KCND2: variants seen among roughly 807,000 people sequenced by gnomAD.
The protein encoded by KCND2 is A-type voltage-gated potassium channel KCND2.
Under a neutral mutation model 54.4 loss-of-function variants are expected in KCND2, and 16 were observed. That is an observed-to-expected ratio of 0.29 (90% confidence interval 0.20 to 0.45). The LOEUF (loss-of-function observed/expected upper bound fraction) is 0.45, where lower values mean the gene tolerates loss of function less well. Ranked by LOEUF, KCND2 falls within the 20% of genes least tolerant of loss-of-function variation. The probability of loss-of-function intolerance (pLI) is 1.00; values close to 1 mark genes in which losing one functional copy is unlikely to be tolerated. For missense variants in KCND2, 486 were observed against 824.2 expected, an observed-to-expected ratio of 0.59 and a Z score of 5.02; for synonymous variants, 317 against 310.7, an observed-to-expected ratio of 1.02 and a Z score of -0.21.
At chr7:120,300,349 A>C (rs937816498) in intron 1 of KCND2, among the ~76,000 whole-genome samples, 1 of 152,148 alleles carries the variant, frequency 6.6e-6, no homozygotes, top group Non-Finnish European at 1.5e-5. Context: ...GGAACTAACT[A>C]GTATGTCCAT....
At chr7:120,622,721 A>T (rs937642547) in intron 1 of KCND2, among the ~76,000 whole-genome samples, 3,488 of 136,804 alleles carry the variant, frequency 0.025, 102 homozygotes, top group African/African-American at 0.08. Context: ...TCTCTCACAC[A>T]CACACACACA....
At chr7:120,477,591 C>G (rs776031161) in intron 1 of KCND2, among the ~76,000 whole-genome samples, 1 of 151,880 alleles carries the variant, frequency 6.6e-6, no homozygotes, top group Non-Finnish European at 1.5e-5. Flanking sequence ...TTAATTGTCT[C>G]TTTTTTTGCT....
intron 1 of KCND2, among the ~76,000 whole-genome samples, chr7:120,524,738 A>G (rs1791752182): frequency 6.6e-6 from 1 of 152,188 alleles, no homozygotes; most frequent in Admixed American, 6.5e-5. Context: ...ATTAGTCAAT[A>G]CCCTAATGCA....
chr7:120,305,280 C>G (rs968106150), intron 1 of KCND2, among the ~76,000 whole-genome samples: 1 of 152,046 alleles, frequency 6.6e-6, no homozygotes, highest in East Asian at 1.9e-4. Context: ...CCAAGTTTAA[C>G]CAGACATAAA....
intron 1 of KCND2, among the ~76,000 whole-genome samples, chr7:120,512,279 A>T (rs1235131426): frequency 6.6e-6 from 1 of 152,092 alleles, no homozygotes; most frequent in Non-Finnish European, 1.5e-5. Flanking sequence ...TGGTAGAATT[A>T]TAAGTAATAA....
At chr7:120,665,877 G>A (rs1791920178) in intron 1 of KCND2, among the ~76,000 whole-genome samples, 2 of 151,948 alleles carry the variant, frequency 1.3e-5, no homozygotes, top group Non-Finnish European at 2.9e-5. Flanking sequence ...GTATAAATCT[G>A]CAGATGCTCC....
chr7:120,329,412 A>G (rs917980999), intron 1 of KCND2, among the ~76,000 whole-genome samples: 5 of 151,668 alleles, frequency 3.3e-5, no homozygotes, highest in Admixed American at 2.6e-4. Context: ...TTTTATACCC[A>G]CTCATACCTT....
intron 1 of KCND2, among the ~76,000 whole-genome samples, chr7:120,306,948 A>T (rs1368581828): frequency 1.3e-5 from 2 of 152,100 alleles, no homozygotes; most frequent in Non-Finnish European, 2.9e-5. Context: ...TAAGATATTT[A>T]TTCTTTGAGG....
chr7:120,347,038 G>A (rs545088267), intron 1 of KCND2, among the ~76,000 whole-genome samples: 20 of 152,066 alleles, frequency 1.3e-4, no homozygotes, highest in African/African-American at 4.3e-4. Flanking sequence ...ATGTCTCATG[G>A]CTCTTTTTTT....
chr7:120,699,148 G>T (rs1397752389), intron 1 of KCND2, among the ~76,000 whole-genome samples: 1 of 152,016 alleles, frequency 6.6e-6, no homozygotes, highest in Non-Finnish European at 1.5e-5. Flanking sequence ...CGGGTGTGGT[G>T]GCGGGTACCT....
rs146609976 is a variant in KCND2 at position 120,299,759 on chromosome 7, G to A, written c.1115+24012G>A. ...AAGAAAGGAAAAGAGGCAAAGTCCT[G>A]TGATACTCGTCATTGAAAAGATTTC... On this transcript the variant is annotated intron_variant, in intron 1 of 5. Transcript: ENST00000331113. Among the ~76,000 whole-genome samples, 651 of 152,226 alleles carry A rather than the reference G, an allele frequency of 4.3e-3. 3 individuals are homozygous for A. The highest frequency in any genetic ancestry group is 6.8e-3 in the Non-Finnish European group (461 of 67,996).
At chr7:120,714,543 C>T (rs925156177) in intron 1 of KCND2, among the ~76,000 whole-genome samples, 5 of 152,060 alleles carry the variant, frequency 3.3e-5, no homozygotes, top group Non-Finnish European at 7.4e-5. Flanking sequence ...AATAATAAAA[C>T]ATCAGCACTA....
chr7:120,574,037 A>G (rs1407369617), intron 1 of KCND2, among the ~76,000 whole-genome samples: 1 of 152,196 alleles, frequency 6.6e-6, no homozygotes, highest in Non-Finnish European at 1.5e-5. Flanking sequence ...CACTTAAAAG[A>G]AGACTAAGTT....
chr7:120,425,014 G>T (rs1240651226), intron 1 of KCND2, among the ~76,000 whole-genome samples: 1 of 152,166 alleles, frequency 6.6e-6, no homozygotes, highest in Non-Finnish European at 1.5e-5. Flanking sequence ...GTAACAAATT[G>T]ATTTCATTTT....
chr7:120,671,459 G>T (rs565719963), intron 1 of KCND2, among the ~76,000 whole-genome samples: 15 of 152,148 alleles, frequency 9.9e-5, no homozygotes, highest in African/African-American at 3.6e-4. Flanking sequence ...GGCCCGGGAG[G>T]TGGGGACCTC....
chr7:120,274,259 C>A lies in KCND2; in HGVS notation c.-374C>A. The A allele has an allele frequency of 5.5e-6, 2 of 363,228 alleles. No individual in the cohort carries two copies. Among genetic ancestry groups the A allele is most frequent in the East Asian group, 1.3e-4 (2 of 15,482 alleles). 22.5% of individuals were successfully genotyped at this position (363,228 alleles called of 1,614,324 possible). ...CTCTATCCTACACTCCACATACTGA[C>A]CCTATATTATCCAGACTGTGCCGGG... is the stretch of plus-strand genomic sequence containing the variant. On this transcript the variant is annotated 5_prime_UTR_variant, in exon 1 of 6. Coordinates refer to ENST00000331113, the MANE Select transcript of KCND2 (RefSeq NM_012281.3).
intron 1 of KCND2, among the ~76,000 whole-genome samples, chr7:120,352,252 G>C (rs1450142703): frequency 6.6e-6 from 1 of 151,822 alleles, no homozygotes; most frequent in Admixed American, 6.6e-5. Context: ...TCTGTTTTCT[G>C]TAACAGTGGT....
At chr7:120,418,557 C>T (rs1187670687) in intron 1 of KCND2, among the ~76,000 whole-genome samples, 6 of 152,098 alleles carry the variant, frequency 3.9e-5, no homozygotes, top group Admixed American at 2.0e-4. Context: ...TAGAAATACT[C>T]ATTACTCAGA....
chr7:120,649,475 T>C (rs1791698020), intron 1 of KCND2, among the ~76,000 whole-genome samples: 1 of 152,246 alleles, frequency 6.6e-6, no homozygotes, highest in African/African-American at 2.4e-5. Flanking sequence ...AGGTTGCCTG[T>C]TCACTCTGAT....
Sources: allele counts gnomAD v4.1 joint callset (sites outside exome capture counted in the v4.1 genomes callset), GRCh38; gene constraint gnomAD v4.1.1; transcripts MANE v1.5; gene names NCBI Gene and HGNC (gene_info 2026-07-23, HGNC 2026-07-21).